Variants in SH3KBP1 observed in about 807,000 individuals in gnomAD.
The protein encoded by SH3KBP1 is SH3 domain containing kinase binding protein 1, also known as SH3 domain-containing kinase-binding protein 1.
Under a neutral mutation model 50.1 loss-of-function variants are expected in SH3KBP1, and 8 were observed. The ratio of observed to expected loss-of-function variants is 0.16; its 90% confidence interval spans 0.09 to 0.29. SH3KBP1 has a LOEUF of 0.29. Among genes scored for constraint, SH3KBP1 ranks in the 10% least tolerant of loss-of-function variants. The pLI is 1.00. For missense variants in SH3KBP1, 377 were observed against 535.2 expected, an observed-to-expected ratio of 0.70 and a Z score of 2.92; for synonymous variants, 227 against 218.6, an observed-to-expected ratio of 1.04 and a Z score of -0.34.
intron 9 of SH3KBP1, among the ~76,000 whole-genome samples, chrX:19,598,229 TTTTATTTATTTATTTATTTA>T (rs60833421): frequency 7.8e-5 from 8 of 101,927 alleles, no homozygotes; most frequent in Middle Eastern, 4.8e-3. Context: ...GCAAGTCTGT[TTTTATTTATTTATTTATTTA>T]TTTATTTATT....
intron 1 of SH3KBP1, among the ~76,000 whole-genome samples, chrX:19,870,937 T>C (rs758919750): frequency 6.3e-5 from 7 of 111,614 alleles, no homozygotes; most frequent in Non-Finnish European, 1.1e-4. Context: ...TGGTAGTGGG[T>C]TTAAGGCAAA....
rs563651848 is a variant in SH3KBP1, at chrX:19,608,478, T to C, written c.898-433A>G. Among the ~76,000 whole-genome samples the C allele has an allele frequency of 2.0e-4, 22 of 109,325 alleles. No homozygotes were observed. In the South Asian group the frequency reaches 8.9e-3, roughly 44 times the overall value. 94.9% of individuals were successfully genotyped at this position (109,325 alleles called of 115,157 possible). ...ACGTGCCACAATGCCTGGCTAATTT[T>C]TGTATTTTTTAGTAGAGACGGGGTT... On this transcript the variant is annotated intron_variant, in intron 8 of 17. Transcript: ENST00000397821.
At chrX:19,679,621 C>T (rs188117429) in intron 6 of SH3KBP1, among the ~76,000 whole-genome samples, 1 of 111,520 alleles carries the variant, frequency 9.0e-6, no homozygotes, top group East Asian at 2.8e-4. Flanking sequence ...TTCCCCACCC[C>T]CCTTTAACCT....
chrX:19,625,882 C>T (rs1479764539), intron 8 of SH3KBP1, among the ~76,000 whole-genome samples: 1 of 111,868 alleles, frequency 8.9e-6, no homozygotes, highest in Admixed American at 9.4e-5. Context: ...GGCCCAGGGT[C>T]AGCAGATGCC....
At chrX:19,833,916 CAG>C (rs1308045574) in intron 2 of SH3KBP1, among the ~76,000 whole-genome samples, 3 of 111,875 alleles carry the variant, frequency 2.7e-5, no homozygotes, top group African/African-American at 9.8e-5. Flanking sequence ...CACACCTCAA[CAG>C]AGTCTGTGGT....
chrX:19,792,769 G>A (rs1041009930), intron 2 of SH3KBP1, among the ~76,000 whole-genome samples: 3 of 86,400 alleles, frequency 3.5e-5, no homozygotes, highest in African/African-American at 8.4e-5. Context: ...CGACTTGGAG[G>A]GATCTGGCGG....
intron 2 of SH3KBP1, among the ~76,000 whole-genome samples, chrX:19,747,471 C>T (rs918691973): frequency 3.6e-5 from 4 of 111,119 alleles, no homozygotes; most frequent in African/African-American, 9.8e-5. Context: ...ATGAGGAATG[C>T]GCTCCTTAAA....
At chrX:19,771,799 G>A (rs2065797774) in intron 2 of SH3KBP1, among the ~76,000 whole-genome samples, 1 of 106,375 alleles carries the variant, frequency 9.4e-6, no homozygotes, top group East Asian at 2.9e-4. Context: ...AGGAGGCAAA[G>A]GTTGCAGTGA....
chrX:19,868,178 T>G (rs376180488), intron 1 of SH3KBP1, among the ~76,000 whole-genome samples: 2 of 112,175 alleles, frequency 1.8e-5, no homozygotes, highest in East Asian at 5.6e-4. Context: ...TGTTTATTTG[T>G]AACACATCTG....
intron 1 of SH3KBP1, among the ~76,000 whole-genome samples, chrX:19,875,631 C>T (rs1456597452): frequency 1.8e-5 from 2 of 112,544 alleles, no homozygotes; most frequent in Non-Finnish European, 3.8e-5. Context: ...GAGCACCTCC[C>T]GCCCACCATG....
At chrX:19,838,899 A>G (rs1285020377) in intron 1 of SH3KBP1, among the ~76,000 whole-genome samples, 15 of 108,117 alleles carry the variant, frequency 1.4e-4, no homozygotes, top group Non-Finnish European at 2.5e-4. Flanking sequence ...AAAAAAAAAA[A>G]AAAAAAAGAA....
At chrX:19,599,872 G>A (rs1031271693) in intron 9 of SH3KBP1, among the ~76,000 whole-genome samples, 2 of 111,131 alleles carry the variant, frequency 1.8e-5, no homozygotes, top group Non-Finnish European at 3.8e-5. Context: ...CAGGCGCCAG[G>A]CGCGGTGGCT....
intron 2 of SH3KBP1, among the ~76,000 whole-genome samples, chrX:19,766,862 G>C (rs761385588): frequency 1.4e-4 from 15 of 110,702 alleles, no homozygotes; most frequent in Non-Finnish European, 2.5e-4. Context: ...TGCTTTTGTT[G>C]CCCATGTGCT....
chrX:19,542,858 G>A, intron 15 of SH3KBP1, among the ~76,000 whole-genome samples: 1 of 111,862 alleles, frequency 8.9e-6, no homozygotes, highest in Admixed American at 9.5e-5. Context: ...GAGGGCCTTG[G>A]GGGCAGAGCT....
At chrX:19,826,526 A>T (rs763586187) in intron 2 of SH3KBP1, among the ~76,000 whole-genome samples, 90 of 103,334 alleles carry the variant, frequency 8.7e-4, no homozygotes, top group Non-Finnish European at 1.4e-3. Flanking sequence ...CAAAAAATTT[A>T]AAAAAAAAAA....
At chrX:19,758,252 C>A (rs763890164) in intron 2 of SH3KBP1, among the ~76,000 whole-genome samples, 3 of 102,851 alleles carry the variant, frequency 2.9e-5, no homozygotes, top group African/African-American at 7.1e-5. Context: ...CGCTTGAACC[C>A]TGGAAGCGGA....
At chrX:19,834,629 T>C (rs1030871169) in intron 2 of SH3KBP1, among the ~76,000 whole-genome samples, 3 of 112,405 alleles carry the variant, frequency 2.7e-5, no homozygotes, top group African/African-American at 9.7e-5. Flanking sequence ...AACCTGTAGA[T>C]GACTTCTCCA....
At chrX:19,860,154 G>A (rs149993389) in intron 1 of SH3KBP1, among the ~76,000 whole-genome samples, 1,150 of 109,111 alleles carry the variant, frequency 0.011, 52 homozygotes, top group Admixed American at 0.1. Context: ...CTGTAGCCCC[G>A]GCAACTCGGG....
chrX:19,647,574 C>G (rs1018211533), intron 6 of SH3KBP1, among the ~76,000 whole-genome samples: 1 of 111,639 alleles, frequency 9.0e-6, no homozygotes, highest in African/African-American at 3.3e-5. Context: ...TGGATCCCAG[C>G]GACAGGGGTG....
Sources: allele counts gnomAD v4.1 joint callset (sites outside exome capture counted in the v4.1 genomes callset), GRCh38; gene constraint gnomAD v4.1.1; transcripts MANE v1.5; gene names NCBI Gene and HGNC (gene_info 2026-07-23, HGNC 2026-07-21).